Variants in C1orf141 observed in about 807,000 individuals in gnomAD.
C1orf141 encodes the protein uncharacterized protein C1orf141.
C1orf141 carries 19 observed loss-of-function variants against 23.2 expected under a neutral mutation model. That is an observed-to-expected ratio of 0.82 (90% CI 0.57 to 1.20). C1orf141 has a LOEUF of 1.20. Ranked by LOEUF, C1orf141 falls within the 50% of genes most tolerant of loss-of-function variation. The pLI is 0.00. For missense variants in C1orf141, 469 were observed against 455.1 expected (o/e 1.03, Z -0.28); for synonymous variants, 153 against 154.6 (o/e 0.99, Z 0.08).
chr1:67,135,014 C>G (rs1319603052), upstream of C1orf141: 1 of 151,674 alleles, frequency 6.6e-6, no homozygotes, highest in African/African-American at 2.4e-5. Flanking sequence ...CGTCCTCGGT[C>G]CGTAGAAACC....
At chr1:67,096,178 G>A (rs1027362238) in intron 6 of C1orf141, 74 bp downstream of exon 6, 1 of 744,662 alleles carries the variant, frequency 1.3e-6, no homozygotes, top group African/African-American at 1.8e-5. Flanking sequence ...ATTTATTCCT[G>A]TCAATTATAA....
chr1:67,120,451 G>C (rs549829605), intron 4 of C1orf141, among the ~76,000 whole-genome samples: 12 of 152,132 alleles, frequency 7.9e-5, no homozygotes, highest in Non-Finnish European at 1.6e-4. Context: ...ATTTGGGGGG[G>C]ACAGGGGTGG....
At chr1:67,107,779 ACTCGGCAGG>A (rs1296667886) in intron 5 of C1orf141, among the ~76,000 whole-genome samples, 1 of 152,160 alleles carries the variant, frequency 6.6e-6, no homozygotes, top group Middle Eastern at 3.2e-3. Context: ...AATCCCAGCT[ACTCGGCAGG>A]CTGAGGCAGG....
At chr1:67,126,076 G>A (rs903391264) in intron 3 of C1orf141, among the ~76,000 whole-genome samples, 167 bp from the exon 4 acceptor site, 1 of 152,248 alleles carries the variant, frequency 6.6e-6, no homozygotes, top group South Asian at 2.1e-4. Context: ...TGGGGGTCTA[G>A]TGCACCAACT....
chr1:67,097,217 C>T (rs1325630271), intron 5 of C1orf141, among the ~76,000 whole-genome samples: 1 of 151,496 alleles, frequency 6.6e-6, no homozygotes, highest in Non-Finnish European at 1.5e-5. Context: ...CAAAAACAAA[C>T]AAAAAAAACC....
intron 5 of C1orf141, among the ~76,000 whole-genome samples, chr1:67,097,099 C>G (rs1186766939): frequency 6.6e-6 from 1 of 152,032 alleles, no homozygotes; most frequent in African/African-American, 2.4e-5. Context: ...TGGTGCGCCC[C>G]TGTAATCCCA....
intron 4 of C1orf141, among the ~76,000 whole-genome samples, chr1:67,115,993 C>T (rs2102468380): frequency 6.6e-6 from 1 of 152,290 alleles, no homozygotes; most frequent in East Asian, 1.9e-4. Flanking sequence ...ACTCAGCCCT[C>T]AGACCTCAGA....
Position 67,127,425 on chromosome 1 carries a change from A to G in C1orf141, c.-17-168T>C, listed in dbSNP as rs184228303. On this transcript the variant is annotated intron_variant, in intron 2 of 7. Transcript: ENST00000684719. ...TTGTAAATGTACCCAAGTTTTTTCA[A>G]TTGAAGGCTATATGATCAGAACTCC... Among the ~76,000 whole-genome samples the G allele has an allele frequency of 7.4e-4, 112 of 152,258 alleles. No individual in the cohort carries two copies. In the East Asian group the frequency reaches 7.5e-3, roughly 10 times the overall value.
upstream of C1orf141, among the ~76,000 whole-genome samples, chr1:67,139,696 G>C (rs1646617282): frequency 6.6e-6 from 1 of 152,138 alleles, no homozygotes; most frequent in African/African-American, 2.4e-5. Context: ...AGTATTGAGA[G>C]GTGAGGCCTT....
chr1:67,136,024 C>A (rs901905976), upstream of C1orf141, among the ~76,000 whole-genome samples: 31 of 138,378 alleles, frequency 2.2e-4, no homozygotes, highest in African/African-American at 8.4e-4. Flanking sequence ...ATTTAAAAAA[C>A]AAAAATACAA....
chr1:67,097,636 C>T (rs1405363208), intron 5 of C1orf141, among the ~76,000 whole-genome samples: 1 of 152,138 alleles, frequency 6.6e-6, no homozygotes, highest in Non-Finnish European at 1.5e-5. Flanking sequence ...GGGTTTTCAA[C>T]AGAACAATAA....
chr1:67,140,475 T>C (rs1646626524), intron 1 of C1orf141, among the ~76,000 whole-genome samples: 1 of 152,170 alleles, frequency 6.6e-6, no homozygotes, highest in Non-Finnish European at 1.5e-5. Context: ...TTCAATGACA[T>C]AGTCGAAGTC....
At chr1:67,135,727 A>C (rs1646579345), upstream of C1orf141, among the ~76,000 whole-genome samples, 1 of 152,084 alleles carries the variant, frequency 6.6e-6, no homozygotes, top group Non-Finnish European at 1.5e-5. Context: ...GGAATTTCAC[A>C]ATATTGGTTA....
chr1:67,139,280 T>C (rs1399586076), upstream of C1orf141: 1 of 152,180 alleles, frequency 6.6e-6, no homozygotes, highest in Non-Finnish European at 1.5e-5. Context: ...AATGGATAGA[T>C]TAACTATCTC....
intron 5 of C1orf141, chr1:67,103,366 G>A: frequency 7.2e-7 from 1 of 1,393,472 alleles, no homozygotes; most frequent in South Asian, 1.8e-5. Context: ...AACATTCAAA[G>A]GCCCTGCATT....
At chr1:67,105,658 GAC>G (rs144867524) in intron 5 of C1orf141, among the ~76,000 whole-genome samples, 9 of 150,714 alleles carry the variant, frequency 6.0e-5, no homozygotes, top group African/African-American at 9.7e-5. Context: ...CACACACACA[GAC>G]ACACACACAC....
Position 67,092,750 on chromosome 1 carries a change from C to T in C1orf141, c.*255G>A. 7.8e-6 allele frequency: 2 copies of T among 256,876 alleles called. No homozygotes were observed. The highest frequency in any genetic ancestry group is 1.3e-4 in the South Asian group (2 of 15,968). 15.9% of individuals were successfully genotyped at this position (256,876 alleles called of 1,614,324 possible). On this transcript the variant is annotated 3_prime_UTR_variant, in exon 8 of 8. Transcript: ENST00000684719. ...TAGTATAGGAAGGCTGATGATTGAG[C>T]AATCTAATTGAGATAATAGAAAGTC...
intron 1 of C1orf141, among the ~76,000 whole-genome samples, chr1:67,132,550 CA>C (rs1448085736): frequency 6.6e-6 from 1 of 151,990 alleles, no homozygotes; most frequent in Non-Finnish European, 1.5e-5. Context: ...TACTCTTTGA[CA>C]GATCTCTTCC....
At chr1:67,096,111 G>A (rs1645674485) in intron 6 of C1orf141, 141 bp downstream of exon 6, 1 of 489,650 alleles carries the variant, frequency 2.0e-6, no homozygotes, top group Non-Finnish European at 3.7e-6. Flanking sequence ...TAGTGGCTAA[G>A]CAGTCTTGGA....
Sources: allele counts gnomAD v4.1 joint callset (sites outside exome capture counted in the v4.1 genomes callset), GRCh38; gene constraint gnomAD v4.1.1; transcripts MANE v1.5; gene names NCBI Gene and HGNC (gene_info 2026-07-23, HGNC 2026-07-21).